Variants in CPT1A observed in about 807,000 individuals in gnomAD.
CPT1A encodes the protein carnitine O-palmitoyltransferase 1, liver isoform.
CPT1A carries 64 observed loss-of-function variants against 100.8 expected under a neutral mutation model. That is an observed-to-expected ratio of 0.63 (90% CI 0.52 to 0.78). CPT1A has a LOEUF of 0.78. CPT1A is among the 30% of genes least tolerant of loss of function. The pLI, the probability that CPT1A is intolerant of heterozygous loss-of-function variation, is 0.00. For synonymous variants in CPT1A, 363 were observed against 396.0 expected (o/e 0.92, Z 0.99); for missense variants, 802 against 1,034.1 (o/e 0.78, Z 3.08).
chr11:68,792,613 C>T (rs545033161), intron 9 of CPT1A, among the ~76,000 whole-genome samples: 2 of 152,358 alleles, frequency 1.3e-5, no homozygotes, highest in South Asian at 4.1e-4. Flanking sequence ...CGGTGGCTTA[C>T]GTGGCCACCC....
At chr11:68,766,962 G>A (rs1271736029) in intron 14 of CPT1A, among the ~76,000 whole-genome samples, 2 of 152,116 alleles carry the variant, frequency 1.3e-5, no homozygotes, top group South Asian at 2.1e-4. Context: ...CAGGCTGTGC[G>A]GGCCAGGTGC....
At chr11:68,817,169 G>T (rs1040829086) in intron 1 of CPT1A, among the ~76,000 whole-genome samples, 8 of 142,314 alleles carry the variant, frequency 5.6e-5, no homozygotes, top group Admixed American at 6.9e-5. Flanking sequence ...GTGTGTGTGT[G>T]GTGTGTGTGT....
intron 15 of CPT1A, 91 bp from the exon 16 acceptor site, chr11:68,761,778 T>G (rs1270130462): frequency 3.3e-5 from 49 of 1,484,468 alleles, no homozygotes; most frequent in Non-Finnish European, 4.1e-5. Context: ...GGCTAATATT[T>G]TTTGTTATTT....
chr11:68,825,353 G>A (rs1856696140), intron 1 of CPT1A, among the ~76,000 whole-genome samples: 1 of 152,072 alleles, frequency 6.6e-6, no homozygotes, highest in Non-Finnish European at 1.5e-5. Flanking sequence ...TGCCCCAGGT[G>A]CCCACCTCCC....
chr11:68,781,699 G>A, intron 11 of CPT1A, 72 bp downstream of exon 11: 2 of 1,243,544 alleles, frequency 1.6e-6, no homozygotes, highest in Non-Finnish European at 2.4e-6. Context: ...TTAGGGGTGA[G>A]TGTCAGGCAC....
chr11:68,817,600 G>A (rs1039635706), intron 1 of CPT1A, among the ~76,000 whole-genome samples: 1 of 152,032 alleles, frequency 6.6e-6, no homozygotes, highest in Non-Finnish European at 1.5e-5. Flanking sequence ...GAGCAGGCAA[G>A]AGCTGGAGGC....
intron 14 of CPT1A, among the ~76,000 whole-genome samples, chr11:68,767,128 CT>C (rs145214098): frequency 0.01 from 1,591 of 152,304 alleles, 31 homozygotes; most frequent in African/African-American, 0.037. Flanking sequence ...CTGTTGACTG[CT>C]TTTCAACTAC....
upstream of CPT1A, among the ~76,000 whole-genome samples, chr11:68,843,478 G>C (rs75308404): frequency 5.5e-3 from 832 of 152,158 alleles, 6 homozygotes; most frequent in African/African-American, 0.019. This position sits in a 1 kb window ranked among gnomAD's most constrained non-coding sequence, Gnocchi z 4.0. Flanking sequence ...AACCAGGCAC[G>C]TGCGACATTT....
intron 1 of CPT1A, among the ~76,000 whole-genome samples, chr11:68,825,937 G>A (rs1856715425): frequency 6.6e-6 from 1 of 152,182 alleles, no homozygotes; most frequent in African/African-American, 2.4e-5. Context: ...ACCCCAGTGA[G>A]TGCCACCCAG....
chr11:68,759,515 G>T (rs988049987), intron 18 of CPT1A, 54 bp downstream of exon 18: 71 of 1,167,976 alleles, frequency 6.1e-5, no homozygotes, highest in Admixed American at 3.6e-4. Flanking sequence ...TCCTTAAAAA[G>T]AATAAAGCAA....
chr11:68,840,353 C>A lies in CPT1A; in HGVS notation c.-14+1422G>T, dbSNP rs557996519. Reference sequence around the variant, plus strand: ...CCAGTGCTCAGCCATTTTTTATTCACTTGGTTTGTGGCTTAGAATGAAATA... The same window carrying A: ...CCAGTGCTCAGCCATTTTTTATTCAATTGGTTTGTGGCTTAGAATGAAATA... On this transcript the variant is annotated intron_variant, in intron 1 of 18. Coordinates refer to ENST00000265641, the MANE Select transcript of CPT1A (RefSeq NM_001876.4). Among the ~76,000 whole-genome samples, 36 of 152,300 alleles carry A rather than the reference C, an allele frequency of 2.4e-4. No homozygotes were observed. The South Asian group carries it at 7.2e-3, about 31-fold the overall frequency.
At position 68,768,266 on chromosome 11, in the gene CPT1A, G is replaced by A. The variant is rs1003969721; in HGVS notation, c.1740+4999C>T. 4.0e-5 allele frequency among the ~76,000 whole-genome samples: 6 copies of A among 151,582 alleles called. No homozygotes were observed. The East Asian group carries it at 7.8e-4, about 20-fold the overall frequency. The stretch of plus-strand genomic sequence containing the variant: ...AATTTTTTGTATTTTTAGTAGAGAC[G>A]GGGTTTCATCGTGTTAGCCAGGATG... On this transcript the variant is annotated intron_variant, in intron 14 of 18. Transcript: ENST00000265641.
At chr11:68,762,266 G>A (rs1039723260) in intron 15 of CPT1A, among the ~76,000 whole-genome samples, 7 of 152,190 alleles carry the variant, frequency 4.6e-5, no homozygotes, top group South Asian at 2.1e-4. Flanking sequence ...GGAAGGTCCC[G>A]TGCGACAGTC....
intron 9 of CPT1A, 54 bp from the exon 10 acceptor site, chr11:68,785,064 T>C: frequency 6.5e-7 from 1 of 1,538,906 alleles, no homozygotes; most frequent in South Asian, 1.1e-5. Context: ...GTTCAGCACG[T>C]GCTGAGACGA....
chr11:68,842,790 G>T (rs190829640), upstream of CPT1A, among the ~76,000 whole-genome samples: 828 of 152,180 alleles, frequency 5.4e-3, 6 homozygotes, highest in African/African-American at 0.019. Context: ...AGCTGCAGGG[G>T]ACCCAGGGGG....
At chr11:68,760,159 AT>A in intron 17 of CPT1A, 65 bp downstream of exon 17, 1 of 1,160,988 alleles carries the variant, frequency 8.6e-7, no homozygotes, top group South Asian at 1.3e-5. Context: ...AGATGGGCCC[AT>A]CACACCCCAT....
chr11:68,754,730 T>C (rs1236041994), downstream of CPT1A: 2 of 759,120 alleles, frequency 2.6e-6, no homozygotes, highest in Non-Finnish European at 5.0e-6. Context: ...AACAGGCTTT[T>C]CTTTCCAGCC....
At chr11:68,817,937 A>G (rs1408037161) in intron 1 of CPT1A, among the ~76,000 whole-genome samples, 1 of 152,014 alleles carries the variant, frequency 6.6e-6, no homozygotes, top group Non-Finnish European at 1.5e-5. Context: ...CAGGGGGCCT[A>G]GTTTGGAGAG....
intron 9 of CPT1A, among the ~76,000 whole-genome samples, chr11:68,787,280 C>T (rs532552294): frequency 6.6e-6 from 1 of 151,784 alleles, no homozygotes; most frequent in East Asian, 2.0e-4. Flanking sequence ...ACTAAAAATA[C>T]AAAAAATTAG....
Sources: allele counts gnomAD v4.1 joint callset (sites outside exome capture counted in the v4.1 genomes callset), GRCh38; gene constraint gnomAD v4.1.1; non-coding constraint Gnocchi (gnomAD v3.1); transcripts MANE v1.5; gene names NCBI Gene and HGNC (gene_info 2026-07-23, HGNC 2026-07-21).